The following LAMP2 variants were observed in gnomAD, a reference collection of about 807,000 sequenced individuals.
LAMP2 encodes lysosome associated membrane protein 2.
In LAMP2, 4 loss-of-function variants were observed where a neutral mutation model predicts 25.6. That is an observed-to-expected ratio of 0.16 (90% CI 0.08 to 0.36). The LOEUF (loss-of-function observed/expected upper bound fraction) is 0.36, where lower values mean the gene tolerates loss of function less well. LAMP2 is among the 10% of genes least tolerant of loss of function. LAMP2 has a pLI of 1.00. For missense variants in LAMP2, 272 were observed against 301.4 expected (o/e 0.90, Z 0.72); for synonymous variants, 108 against 112.7 (o/e 0.96, Z 0.27).
rs960241982 is a variant in LAMP2 at position 120,441,843 on chromosome X, C to A, written c.980G>T (p.Ser327Ile). The change falls in exon 8 of 9, where the codon AGT becomes ATT. Residue 327 changes from serine (S) to isoleucine (I), a missense_variant. Transcript: ENST00000200639. ...NLSYWDAPLG[S>I]SYMCNKEQTV... ...CTGCTCTTTGTTGCACATATAAGAA[C>A]TTCCCAGGGGGGCATCCCAGTAGCT... 1 of 1,210,351 alleles carries A rather than the reference C, an allele frequency of 8.3e-7. No individual in the cohort carries two copies. Among genetic ancestry groups the A allele is most frequent in the African/African-American group, 1.7e-5 (1 of 57,835 alleles).
intron 3 of LAMP2, among the ~76,000 whole-genome samples, chrX:120,453,590 G>A (rs180674083): frequency 4.6e-4 from 52 of 112,012 alleles, no homozygotes; most frequent in African/African-American, 1.6e-3. Context: ...TGGGTGGATC[G>A]TGAGGTCAGG....
At chrX:120,466,257 T>C (rs984494358) in intron 1 of LAMP2, among the ~76,000 whole-genome samples, 2 of 112,020 alleles carry the variant, frequency 1.8e-5, no homozygotes, top group Non-Finnish European at 3.8e-5. Context: ...ACAAAAAAGC[T>C]TTCATTAAAA....
rs897455435 is a variant in LAMP2, at chrX:120,462,937, C to T, written c.65-6168G>A. Among the ~76,000 whole-genome samples the T allele has an allele frequency of 2.7e-5, 3 of 112,122 alleles. No homozygotes were observed. In the South Asian group the frequency reaches 1.1e-3, roughly 41 times the overall value. ...AGAAATTTGCCAAACAAGTTAGATA[C>T]CAATTTACAAGTCTCCTTTTTAGTA... On this transcript the variant is annotated intron_variant, in intron 1 of 8. Transcript: ENST00000200639.
intron 1 of LAMP2, among the ~76,000 whole-genome samples, chrX:120,465,589 T>C (rs754276462): frequency 5.4e-4 from 61 of 112,066 alleles, no homozygotes; most frequent in Non-Finnish European, 8.3e-4. Flanking sequence ...TAAGAATCCT[T>C]TTCTGTACTT....
At chrX:120,435,133 C>CAAACA (rs1171529002) in intron 8 of LAMP2, among the ~76,000 whole-genome samples, 3 of 111,787 alleles carry the variant, frequency 2.7e-5, no homozygotes, top group Non-Finnish European at 5.6e-5. Context: ...GACTCCATCT[C>CAAACA]AAACAAAACA....
intron 8 of LAMP2, chrX:120,437,615 G>C: frequency 2.7e-6 from 2 of 748,461 alleles, no homozygotes; most frequent in Non-Finnish European, 3.2e-6. Context: ...ACGGTAATTT[G>C]ACAATTGGTA....
At chrX:120,432,574 G>A (rs746499075) in intron 8 of LAMP2, among the ~76,000 whole-genome samples, 66 of 111,621 alleles carry the variant, frequency 5.9e-4, no homozygotes, top group African/African-American at 2.1e-3. Context: ...ACAGACTGGA[G>A]ATCAAATTAG....
Position 120,455,661 on chromosome X carries a change from A to G in LAMP2, c.184-91T>C, listed in dbSNP as rs758807230. 13 of 718,639 alleles carry G rather than the reference A, an allele frequency of 1.8e-5. No individual in the cohort carries two copies. In the South Asian group the frequency reaches 3.0e-4, roughly 17 times the overall value. The allele number at this position is 718,639 out of a possible 1,213,427, so 59.2% of individuals were successfully genotyped here. ...AGGGCATGCCACTTCAGCCTAAATC[A>G]TACATTCTCCATGGCCAGGTTGCCC... On this transcript the variant is annotated intron_variant, in intron 2 of 8. Coordinates refer to ENST00000200639, the MANE Select transcript of LAMP2 (RefSeq NM_002294.3).
chrX:120,444,942 A>G (rs1169498177), intron 6 of LAMP2, among the ~76,000 whole-genome samples: 1 of 112,200 alleles, frequency 8.9e-6, no homozygotes, highest in Admixed American at 9.5e-5. Context: ...TGCCTGTAGC[A>G]TGATTAAAAT....
rs183969784 is a variant in LAMP2, at chrX:120,428,042, A to C, written c.*3281T>G. ...GAAAGGAAGTCTTATCATGAACCAA[A>C]TTTCGTGTCTGCCACCAATGAAAAT... On this transcript the variant is annotated 3_prime_UTR_variant, in exon 9 of 9. Coordinates refer to ENST00000200639, the MANE Select transcript of LAMP2 (RefSeq NM_002294.3). The C allele has an allele frequency of 8.9e-6, 1 of 112,492 alleles. No individual in the cohort carries two copies. The highest frequency in any genetic ancestry group is 1.9e-5 in the Non-Finnish European group (1 of 53,479). 9.3% of individuals were successfully genotyped at this position (112,492 alleles called of 1,213,427 possible).
intron 3 of LAMP2, among the ~76,000 whole-genome samples, chrX:120,451,995 A>G (rs940422101): frequency 1.8e-5 from 2 of 111,338 alleles, no homozygotes; most frequent in Admixed American, 9.6e-5. Context: ...CCTCCTCCTA[A>G]TAACTGCTAA....
rs1209964388 is a variant in LAMP2 at position 120,427,355 on chromosome X, A to C, written c.*3968T>G. On this transcript the variant is annotated 3_prime_UTR_variant, in exon 9 of 9. Transcript: ENST00000200639. ...AAAGGGCAATTCAACAGCTGAACCA[A>C]TCAAGCAGACACAGGGATGAGTGGT... 9.0e-6 allele frequency among the ~76,000 whole-genome samples: 1 copy of C among 111,360 alleles called. No individual in the cohort carries two copies. Among genetic ancestry groups the C allele is most frequent in the Non-Finnish European group, 1.9e-5 (1 of 53,092 alleles).
At chrX:120,454,246 T>C (rs1323098195) in intron 3 of LAMP2, among the ~76,000 whole-genome samples, 1 of 107,089 alleles carries the variant, frequency 9.3e-6, no homozygotes, top group African/African-American at 3.4e-5. Context: ...AAAAAAAACA[T>C]AGCATTTCCT....
intron 8 of LAMP2, chrX:120,437,005 A>C: frequency 2.7e-6 from 2 of 741,548 alleles, no homozygotes; most frequent in South Asian, 1.4e-4. Context: ...CTACATTCTT[A>C]TACACATTAT....
At chrX:120,449,180 A>G (rs1302117189) in intron 3 of LAMP2, 52 bp from the exon 4 acceptor site, 14 of 952,963 alleles carry the variant, frequency 1.5e-5, no homozygotes, top group Admixed American at 2.3e-5. Flanking sequence ...GAGAAAAGTG[A>G]TAATATAAAT....
Position 120,429,360 on chromosome X carries a change from TG to T in LAMP2, c.*1962del. ...CCTTCCAGTACTAGCCAAAGGACCT[TG>T]GGCAAGTTATTTAAACTGGGCCTCA... On this transcript the variant is annotated 3_prime_UTR_variant, in exon 9 of 9. Transcript: ENST00000200639. 1.6e-6 allele frequency: 1 copy of T among 636,335 alleles called. No homozygotes were observed. The highest frequency in any genetic ancestry group is 1.9e-6 in the Non-Finnish European group (1 of 533,980). The allele number at this position is 636,335 out of a possible 1,213,427, so 52.4% of individuals were successfully genotyped here.
intron 4 of LAMP2, 65 bp from the exon 5 acceptor site, chrX:120,448,090 GA>G: frequency 9.7e-7 from 1 of 1,026,304 alleles, no homozygotes. Context: ...TAAGGCCAGG[GA>G]AAACCAAAAA....
intron 8 of LAMP2, chrX:120,436,666 C>T (rs1480914043): frequency 4.1e-6 from 3 of 731,410 alleles, no homozygotes; most frequent in Non-Finnish European, 4.8e-6. Flanking sequence ...ACATGAAAAA[C>T]ACCCAAAACC....
rs768071221 is a variant in LAMP2 at position 120,457,434 on chromosome X, T to C, written c.65-665A>G. 1.0e-3 allele frequency among the ~76,000 whole-genome samples: 114 copies of C among 112,301 alleles called. 1 individual carries two copies. The highest frequency in any genetic ancestry group is 3.5e-3 in the African/African-American group (108 of 30,953). ...GAGTTGCAAAGGGCTGTTAAATCCA[T>C]GAGAAAAACATGAATTCTGATAAAT... On this transcript the variant is annotated intron_variant, in intron 1 of 8. Coordinates refer to ENST00000200639, the MANE Select transcript of LAMP2 (RefSeq NM_002294.3).
Sources: gnomAD v4.1 joint callset for allele counts (sites outside exome capture counted in the v4.1 genomes callset) on GRCh38, gnomAD v4.1.1 for gene constraint, MANE v1.5 for transcripts, NCBI Gene and HGNC (gene_info 2026-07-23, HGNC 2026-07-21) for gene names.